The following CAMK4 variants were observed in gnomAD, a reference collection of about 807,000 sequenced individuals.
The protein encoded by CAMK4 is calcium/calmodulin dependent protein kinase IV.
Under a neutral mutation model 44.9 loss-of-function variants are expected in CAMK4, and 22 were observed. That is an observed-to-expected ratio of 0.49 (90% CI 0.35 to 0.70). CAMK4 has a LOEUF of 0.70. Ranked by LOEUF, CAMK4 falls within the 30% of genes least tolerant of loss-of-function variation. The pLI, the probability that CAMK4 is intolerant of heterozygous loss-of-function variation, is 0.01. For synonymous variants in CAMK4, 218 were observed against 215.4 expected, an observed-to-expected ratio of 1.01 and a Z score of -0.11; for missense variants, 498 against 586.8, an observed-to-expected ratio of 0.85 and a Z score of 1.56.
At chr5:111,336,405 T>C (rs1249800198) in intron 1 of CAMK4, among the ~76,000 whole-genome samples, 1 of 151,198 alleles carries the variant, frequency 6.6e-6, no homozygotes, top group African/African-American at 2.4e-5. Flanking sequence ...ATGAACATGC[T>C]GAAAATGTGA....
chr5:111,452,695 C>T (rs952781967), intron 7 of CAMK4, among the ~76,000 whole-genome samples: 2 of 152,112 alleles, frequency 1.3e-5, no homozygotes, highest in Admixed American at 1.3e-4. Context: ...ACAAATAATG[C>T]CATCTTATAA....
chr5:111,479,992 C>G (rs1755376539), intron 9 of CAMK4, among the ~76,000 whole-genome samples: 1 of 152,014 alleles, frequency 6.6e-6, no homozygotes, highest in African/African-American at 2.4e-5. Context: ...CGCATCATGT[C>G]CTTGTCCTGC....
intron 4 of CAMK4, among the ~76,000 whole-genome samples, chr5:111,388,457 T>C (rs551984241): frequency 6.6e-6 from 1 of 152,300 alleles, no homozygotes; most frequent in East Asian, 1.9e-4. Flanking sequence ...CACCACTTTC[T>C]TCTTCCATAC....
chr5:111,326,887 A>AGT (rs1051774403), intron 1 of CAMK4, among the ~76,000 whole-genome samples: 14 of 152,092 alleles, frequency 9.2e-5, no homozygotes, highest in African/African-American at 2.9e-4. Context: ...CAATGGCAAC[A>AGT]GTGTGTCATG....
At chr5:111,241,065 A>G (rs935780703) in intron 1 of CAMK4, among the ~76,000 whole-genome samples, 1 of 152,092 alleles carries the variant, frequency 6.6e-6, no homozygotes, top group African/African-American at 2.4e-5. Flanking sequence ...CTTTGACTGT[A>G]GTTAAGTGTA....
chr5:111,400,711 A>G (rs1455937702), intron 5 of CAMK4, among the ~76,000 whole-genome samples: 1 of 152,172 alleles, frequency 6.6e-6, no homozygotes, highest in Non-Finnish European at 1.5e-5. Context: ...ATTTGAATTC[A>G]TTCAGTCAGT....
At chr5:111,268,452 T>G (rs941302151) in intron 1 of CAMK4, among the ~76,000 whole-genome samples, 1 of 152,228 alleles carries the variant, frequency 6.6e-6, no homozygotes, top group Non-Finnish European at 1.5e-5. Flanking sequence ...GAGCTTTTAT[T>G]TTGGCAAGCC....
In CAMK4 at chr5:111,328,491, C is replaced by T. The variant is rs989411781; in HGVS notation, c.162-15533C>T. ...TTGGCTTAGGAGTGACTTGGCGATG[C>T]GGGCTCTTTTTTGGTTCCATATGAA... On this transcript the variant is annotated intron_variant, in intron 1 of 10. Coordinates refer to ENST00000282356, the MANE Select transcript of CAMK4 (RefSeq NM_001744.6). 1.2e-4 allele frequency among the ~76,000 whole-genome samples: 19 copies of T among 152,064 alleles called. No individual in the cohort carries two copies. In the East Asian group the frequency reaches 2.3e-3, roughly 19 times the overall value.
intron 2 of CAMK4, among the ~76,000 whole-genome samples, chr5:111,364,308 C>A (rs1750709471): frequency 6.6e-6 from 1 of 152,068 alleles, no homozygotes; most frequent in African/African-American, 2.4e-5. Flanking sequence ...TTCTTCTGCT[C>A]TATCTATCAG....
chr5:111,301,560 GA>G (rs1747719299), intron 1 of CAMK4, among the ~76,000 whole-genome samples: 1 of 152,108 alleles, frequency 6.6e-6, no homozygotes, highest in Non-Finnish European at 1.5e-5. Flanking sequence ...GGGAATGGGA[GA>G]AAATATAGAT....
At chr5:111,397,075 A>T (rs1235249311) in intron 5 of CAMK4, among the ~76,000 whole-genome samples, 1 of 152,212 alleles carries the variant, frequency 6.6e-6, no homozygotes, top group Non-Finnish European at 1.5e-5. Flanking sequence ...ATTTCTTGTT[A>T]TTATACATAA....
intron 1 of CAMK4, among the ~76,000 whole-genome samples, chr5:111,274,975 C>G (rs1453100999): frequency 6.6e-6 from 1 of 151,756 alleles, no homozygotes; most frequent in Non-Finnish European, 1.5e-5. Context: ...GATGGTTGCT[C>G]TTGACTTTTT....
intron 1 of CAMK4, among the ~76,000 whole-genome samples, chr5:111,270,953 A>C (rs1439693377): frequency 6.6e-6 from 1 of 152,212 alleles, no homozygotes; most frequent in African/African-American, 2.4e-5. Flanking sequence ...TCATGGCAGA[A>C]GGGGAAACTG....
At chr5:111,239,951 T>C (rs992912074) in intron 1 of CAMK4, among the ~76,000 whole-genome samples, 2 of 152,214 alleles carry the variant, frequency 1.3e-5, no homozygotes, top group African/African-American at 4.8e-5. Context: ...GGTGCAATAT[T>C]TGTAAATATT....
intron 8 of CAMK4, among the ~76,000 whole-genome samples, chr5:111,476,455 T>C (rs1368464139): frequency 6.6e-6 from 1 of 151,930 alleles, no homozygotes; most frequent in African/African-American, 2.4e-5. Context: ...TTTTTTGTAT[T>C]TTTAGTAGAG....
intron 5 of CAMK4, among the ~76,000 whole-genome samples, chr5:111,413,981 G>A (rs908671790): frequency 6.6e-6 from 1 of 151,768 alleles, no homozygotes; most frequent in Non-Finnish European, 1.5e-5. Flanking sequence ...CTATTATAAT[G>A]GTCAACTAAA....
At chr5:111,372,827 C>A (rs960308173) in intron 2 of CAMK4, among the ~76,000 whole-genome samples, 2 of 152,132 alleles carry the variant, frequency 1.3e-5, no homozygotes, top group African/African-American at 4.8e-5. Context: ...TCCTTTACTC[C>A]TTTGCTGCAA....
At chr5:111,443,315 CTATATATATAT>C (rs1753908554) in intron 5 of CAMK4, among the ~76,000 whole-genome samples, 4 of 107,556 alleles carry the variant, frequency 3.7e-5, no homozygotes, top group Non-Finnish European at 7.7e-5. Flanking sequence ...CACACACACA[CTATATATATAT>C]ACTATATATA....
intron 2 of CAMK4, among the ~76,000 whole-genome samples, chr5:111,349,473 G>C (rs921495925): frequency 1.1e-4 from 16 of 151,872 alleles, no homozygotes; most frequent in Admixed American, 5.9e-4. Context: ...TGTTTTATAA[G>C]ATGTAACCTT....
Sources: gnomAD v4.1 joint callset for allele counts (sites outside exome capture counted in the v4.1 genomes callset) on GRCh38, gnomAD v4.1.1 for gene constraint, MANE v1.5 for transcripts, NCBI Gene and HGNC (gene_info 2026-07-23, HGNC 2026-07-21) for gene names.